CNTN1: variants seen among roughly 807,000 people sequenced by gnomAD.
CNTN1 encodes the protein contactin-1.
A neutral mutation model predicts 126.4 loss-of-function variants in CNTN1; 38 were observed. The observed-to-expected ratio is 0.30, with a 90% CI of 0.23 to 0.39. The LOEUF (loss-of-function observed/expected upper bound fraction) is 0.39, where lower values mean the gene tolerates loss of function less well. Among genes scored for constraint, CNTN1 ranks in the 10% least tolerant of loss-of-function variants. The pLI is 1.00. For synonymous variants in CNTN1, 413 were observed against 422.6 expected (o/e 0.98, Z 0.28); for missense variants, 1,009 against 1,248.4 (o/e 0.81, Z 2.89).
At chr12:40,943,833 T>C (rs902439034) in intron 13 of CNTN1, 109 bp downstream of exon 13, 3 of 1,451,826 alleles carry the variant, frequency 2.1e-6, no homozygotes, top group Non-Finnish European at 2.8e-6. Flanking sequence ...CAAAAGAATT[T>C]CAGGCAAGTT....
rs564898145 is a variant in CNTN1 at position 41,051,296 on chromosome 12, C to T, written c.2981-18663C>T. The stretch of plus-strand genomic sequence containing the variant: ...CCAAGTAGCTGGGACTACAGGTGCC[C>T]GCCACCATGCCCAGATAATTTTTTT... On this transcript the variant is annotated intron_variant, in intron 23 of 23. Coordinates refer to ENST00000551295, the MANE Select transcript of CNTN1 (RefSeq NM_001843.4). Among the ~76,000 whole-genome samples, 10 of 151,328 alleles carry T rather than the reference C, an allele frequency of 6.6e-5. No homozygotes were observed. The South Asian group carries it at 1.0e-3, about 16-fold the overall frequency.
intron 1 of CNTN1, among the ~76,000 whole-genome samples, chr12:40,755,785 G>A (rs1269368303): frequency 6.6e-6 from 1 of 151,956 alleles, no homozygotes; most frequent in Non-Finnish European, 1.5e-5. Context: ...GTATAAGGGG[G>A]AAGTTTTGAT....
intron 1 of CNTN1, among the ~76,000 whole-genome samples, chr12:40,899,658 A>G (rs1368757114): frequency 1.3e-5 from 2 of 152,164 alleles, no homozygotes; most frequent in East Asian, 1.9e-4. Flanking sequence ...AAATATTCCA[A>G]CCTTCACTTA....
At chr12:40,698,986 G>T (rs1565614782) in intron 1 of CNTN1, among the ~76,000 whole-genome samples, 2 of 152,082 alleles carry the variant, frequency 1.3e-5, no homozygotes, top group African/African-American at 2.4e-5. Flanking sequence ...TTTCTTGTCT[G>T]CTTTTTAACT....
chr12:40,823,015 G>A (rs1303865402), intron 1 of CNTN1, among the ~76,000 whole-genome samples: 1 of 152,068 alleles, frequency 6.6e-6, no homozygotes, highest in African/African-American at 2.4e-5. Flanking sequence ...TTATAAAGTA[G>A]TCTTGGTATA....
chr12:40,925,943 C>G (rs1238511537), intron 6 of CNTN1, among the ~76,000 whole-genome samples: 1 of 149,792 alleles, frequency 6.7e-6, no homozygotes, highest in Non-Finnish European at 1.5e-5. Flanking sequence ...TATCCAGTGA[C>G]TACATTTGAC....
intron 1 of CNTN1, among the ~76,000 whole-genome samples, chr12:40,705,366 G>C (rs1480434140): frequency 6.6e-6 from 1 of 152,100 alleles, no homozygotes; most frequent in African/African-American, 2.4e-5. Context: ...TGCTCAGCTT[G>C]CGTATGCTTA....
intron 1 of CNTN1, among the ~76,000 whole-genome samples, chr12:40,707,274 A>C (rs1237205008): frequency 3.9e-5 from 4 of 101,716 alleles, no homozygotes; most frequent in African/African-American, 1.8e-4. Context: ...TTTGAGACGG[A>C]GTCTCGCTCC....
intron 18 of CNTN1, among the ~76,000 whole-genome samples, chr12:41,014,912 A>C (rs1948744402): frequency 6.6e-6 from 1 of 152,200 alleles, no homozygotes; most frequent in African/African-American, 2.4e-5. Flanking sequence ...GTTGTCTGAC[A>C]AAACTGTCTG....
At chr12:40,773,682 T>C (rs1461850334) in intron 1 of CNTN1, among the ~76,000 whole-genome samples, 2 of 8,718 alleles carry the variant, frequency 2.3e-4, no homozygotes, top group African/African-American at 5.9e-4. Context: ...TACACATATA[T>C]ATATATATAT....
intron 1 of CNTN1, among the ~76,000 whole-genome samples, chr12:40,758,447 A>G (rs1356229953): frequency 6.6e-6 from 1 of 152,124 alleles, no homozygotes; most frequent in Non-Finnish European, 1.5e-5. Context: ...TACTGAGACA[A>G]TAATTGCAAA....
chr12:40,706,486 G>A (rs182271722), intron 1 of CNTN1, among the ~76,000 whole-genome samples: 12 of 151,900 alleles, frequency 7.9e-5, no homozygotes, highest in African/African-American at 2.9e-4. Context: ...CCATACTTAT[G>A]TCCATGTCTC....
intron 15 of CNTN1, among the ~76,000 whole-genome samples, chr12:40,976,328 T>G (rs1490515330): frequency 6.6e-6 from 1 of 152,126 alleles, no homozygotes; most frequent in Non-Finnish European, 1.5e-5. Flanking sequence ...TCCAACAGTC[T>G]TTTTCAACTG....
chr12:40,864,871 A>G (rs566741270), intron 1 of CNTN1, among the ~76,000 whole-genome samples: 1 of 152,288 alleles, frequency 6.6e-6, no homozygotes, highest in South Asian at 2.1e-4. Context: ...TTGCTGGGGC[A>G]TATGGTAACT....
chr12:40,772,363 A>G (rs1939374403), intron 1 of CNTN1, among the ~76,000 whole-genome samples: 1 of 152,034 alleles, frequency 6.6e-6, no homozygotes, highest in African/African-American at 2.4e-5. Context: ...AATGTAATAG[A>G]TGACTTCCAT....
At chr12:40,715,194 T>C (rs1942019851) in intron 1 of CNTN1, among the ~76,000 whole-genome samples, 1 of 152,100 alleles carries the variant, frequency 6.6e-6, no homozygotes. Context: ...TCTAATTCAT[T>C]AGGTCTGGAG....
chr12:40,908,256 A>C, intron 1 of CNTN1, 101 bp from the exon 2 acceptor site: 1 of 562,298 alleles, frequency 1.8e-6, no homozygotes. Context: ...GAACATTTCC[A>C]ATTTCCTTCC....
intron 15 of CNTN1, chr12:40,972,665 A>G (rs1408268379): frequency 1.0e-6 from 1 of 962,800 alleles, no homozygotes; most frequent in Non-Finnish European, 1.2e-6. Flanking sequence ...TCTAGTCTCA[A>G]TTACTGTTCC....
intron 1 of CNTN1, among the ~76,000 whole-genome samples, chr12:40,739,357 A>G (rs1047125048): frequency 2.6e-5 from 4 of 152,106 alleles, no homozygotes; most frequent in East Asian, 1.9e-4. Flanking sequence ...ATTTGAAGGC[A>G]TGCAAAACAA....
Sources: allele counts gnomAD v4.1 joint callset (sites outside exome capture counted in the v4.1 genomes callset), GRCh38; gene constraint gnomAD v4.1.1; transcripts MANE v1.5; gene names NCBI Gene and HGNC (gene_info 2026-07-23, HGNC 2026-07-21).